CTNND2: variants seen among roughly 807,000 people sequenced by gnomAD.
The protein encoded by CTNND2 is catenin delta-2.
CTNND2 carries 22 observed loss-of-function variants against 144.4 expected under a neutral mutation model. The observed-to-expected ratio is 0.15, with a 90% confidence interval of 0.11 to 0.22. The LOEUF is 0.22. CTNND2 is among the 10% of genes least tolerant of loss of function. The pLI, the probability that CTNND2 is intolerant of heterozygous loss-of-function variation, is 1.00. For missense variants in CTNND2, 1,353 were observed against 1,618.8 expected (o/e 0.84, Z 2.82); for synonymous variants, 751 against 695.6 (o/e 1.08, Z -1.25).
chr5:11,558,631 A>C lies in CTNND2; in HGVS notation c.287+6313T>G, dbSNP rs151168781. The stretch of plus-strand genomic sequence containing the variant: ...ACAATCCACCTGCTTTGGTCTCCCA[A>C]AGTGCTGGGATTACAGGTGTAAGCC... On this transcript the variant is annotated intron_variant, in intron 3 of 21. Transcript: ENST00000304623. Among the ~76,000 whole-genome samples, 537 of 152,202 alleles carry C rather than the reference A, an allele frequency of 3.5e-3. 4 individuals carry two copies. Among genetic ancestry groups the C allele is most frequent in the African/African-American group, 0.013 (522 of 41,530 alleles).
intron 3 of CTNND2, among the ~76,000 whole-genome samples, chr5:11,481,639 G>T (rs1768276745): frequency 6.6e-6 from 1 of 151,988 alleles, no homozygotes. Context: ...GAGAGAGAAA[G>T]AGAAAGAGAC....
intron 14 of CTNND2, among the ~76,000 whole-genome samples, chr5:11,108,594 C>A (rs1033432412): frequency 6.6e-6 from 1 of 152,240 alleles, no homozygotes; most frequent in Non-Finnish European, 1.5e-5. Flanking sequence ...TTTGTCTCCT[C>A]ACCCATGCAG....
chr5:11,809,872 G>A (rs541820100), intron 1 of CTNND2, among the ~76,000 whole-genome samples: 26 of 152,302 alleles, frequency 1.7e-4, no homozygotes, highest in South Asian at 1.2e-3. Context: ...TTTATCAGGA[G>A]AGAGGACTTG....
intron 3 of CTNND2, among the ~76,000 whole-genome samples, chr5:11,540,185 T>A (rs1774595964): frequency 6.6e-6 from 1 of 152,198 alleles, no homozygotes; most frequent in Non-Finnish European, 1.5e-5. Context: ...CGACACAGGT[T>A]AAAATAAACG....
At chr5:11,177,591 C>G (rs1387116848) in intron 11 of CTNND2, among the ~76,000 whole-genome samples, 3 of 151,924 alleles carry the variant, frequency 2.0e-5, no homozygotes, top group African/African-American at 7.2e-5. Context: ...CCTATCACCT[C>G]CTGGAGACTA....
chr5:11,290,440 CA>C (rs1331235334), intron 9 of CTNND2, among the ~76,000 whole-genome samples: 1 of 152,050 alleles, frequency 6.6e-6, no homozygotes, highest in African/African-American at 2.4e-5. Context: ...TCAGTTCCAA[CA>C]AAAAAAGCCT....
intron 2 of CTNND2, among the ~76,000 whole-genome samples, chr5:11,691,111 C>T (rs1216721052): frequency 1.3e-5 from 2 of 152,124 alleles, no homozygotes; most frequent in African/African-American, 2.4e-5. Flanking sequence ...GTGGCTCACA[C>T]CTGTAATCCC....
At chr5:11,200,922 G>GACC (rs539676263) in intron 10 of CTNND2, among the ~76,000 whole-genome samples, 1 of 151,892 alleles carries the variant, frequency 6.6e-6, no homozygotes, top group Admixed American at 6.6e-5. Flanking sequence ...CTCGTGATCC[G>GACC]CCCGCCTCAG....
At chr5:11,277,500 ATATTTATTTATTTATTTATT>A (rs202245115) in intron 9 of CTNND2, among the ~76,000 whole-genome samples, 60 of 136,904 alleles carry the variant, frequency 4.4e-4, no homozygotes, top group Non-Finnish European at 7.4e-4. Context: ...CTTTTTAAAA[ATATTTATTTATTTATTTATT>A]TATTTATTTA....
intron 10 of CTNND2, among the ~76,000 whole-genome samples, chr5:11,206,429 T>C (rs1228755294): frequency 2.0e-5 from 3 of 152,210 alleles, no homozygotes; most frequent in Non-Finnish European, 2.9e-5. Flanking sequence ...GAAAGGCCTC[T>C]CCATTTTTTT....
intron 9 of CTNND2, among the ~76,000 whole-genome samples, chr5:11,313,563 C>A (rs1470305750): frequency 6.6e-6 from 1 of 152,124 alleles, no homozygotes; most frequent in African/African-American, 2.4e-5. Context: ...GGTGACCTGG[C>A]AGGATGGGTC....
At chr5:11,428,066 C>T (rs773048613) in intron 3 of CTNND2, among the ~76,000 whole-genome samples, 5 of 152,230 alleles carry the variant, frequency 3.3e-5, no homozygotes, top group East Asian at 1.9e-4. Context: ...CTCACCACCA[C>T]GAGAACAGCA....
chr5:11,240,833 C>A (rs920909716), intron 9 of CTNND2, among the ~76,000 whole-genome samples: 2 of 136,876 alleles, frequency 1.5e-5, no homozygotes, highest in African/African-American at 5.7e-5. Context: ...AGCACACACA[C>A]CCCCCAACAC....
At chr5:11,420,941 T>C (rs926225421) in intron 3 of CTNND2, among the ~76,000 whole-genome samples, 1 of 152,050 alleles carries the variant, frequency 6.6e-6, no homozygotes, top group Non-Finnish European at 1.5e-5. Flanking sequence ...TTTTATGAGA[T>C]TGTTACCCAG....
intron 2 of CTNND2, among the ~76,000 whole-genome samples, chr5:11,570,462 A>C (rs1186753014): frequency 6.6e-6 from 1 of 152,176 alleles, no homozygotes; most frequent in Non-Finnish European, 1.5e-5. Flanking sequence ...ACATCTTTAT[A>C]TGTTTTTATT....
chr5:11,785,934 G>T (rs1790805110), intron 1 of CTNND2, among the ~76,000 whole-genome samples: 1 of 152,216 alleles, frequency 6.6e-6, no homozygotes, highest in African/African-American at 2.4e-5. Context: ...AGCCTCTTGG[G>T]CTGGACAGCC....
intron 16 of CTNND2, among the ~76,000 whole-genome samples, chr5:11,062,718 A>AG (rs1314836531): frequency 1.3e-5 from 2 of 152,238 alleles, no homozygotes; most frequent in African/African-American, 4.8e-5. Context: ...AAGGCTTGCC[A>AG]GGGGGATACA....
intron 17 of CTNND2, among the ~76,000 whole-genome samples, chr5:11,020,298 C>A (rs533123917): frequency 4.6e-5 from 7 of 151,326 alleles, no homozygotes. Flanking sequence ...TAGCAAGGCA[C>A]GTTTCTTCCA....
At chr5:11,480,327 C>T (rs1399313461) in intron 3 of CTNND2, among the ~76,000 whole-genome samples, 1 of 152,116 alleles carries the variant, frequency 6.6e-6, no homozygotes, top group Non-Finnish European at 1.5e-5. Context: ...TCACCAATGC[C>T]ACTTGGAGCA....
Sources: allele counts gnomAD v4.1 joint callset (sites outside exome capture counted in the v4.1 genomes callset), GRCh38; gene constraint gnomAD v4.1.1; transcripts MANE v1.5; gene names NCBI Gene and HGNC (gene_info 2026-07-23, HGNC 2026-07-21).